The following SLC25A26 variants were observed in gnomAD, a reference collection of about 807,000 sequenced individuals.
The protein encoded by SLC25A26 is solute carrier family 25 member 26, also known as mitochondrial S-adenosylmethionine carrier protein.
SLC25A26 carries 36 observed loss-of-function variants against 37.8 expected under a neutral mutation model. The observed-to-expected ratio is 0.95, with a 90% CI of 0.73 to 1.26. The LOEUF is 1.26. SLC25A26 is among the 50% of genes most tolerant of loss of function. The pLI is 0.00. For synonymous variants in SLC25A26, 129 were observed against 122.5 expected (o/e 1.05, Z -0.35); for missense variants, 390 against 331.1 (o/e 1.18, Z -1.38).
intron 5 of SLC25A26, among the ~76,000 whole-genome samples, chr3:66,278,368 C>CT (rs1559648088): frequency 6.6e-6 from 1 of 152,020 alleles, no homozygotes; most frequent in Non-Finnish European, 1.5e-5. Flanking sequence ...TGTAGAAGGA[C>CT]TTAAGATGAA....
At chr3:66,168,942 C>A (rs2070460009) in intron 1 of SLC25A26, among the ~76,000 whole-genome samples, 2 of 152,152 alleles carry the variant, frequency 1.3e-5, no homozygotes, top group Non-Finnish European at 2.9e-5. Flanking sequence ...AGCAACATAG[C>A]AAGACCTGGT....
At chr3:66,255,492 T>TG (rs1250505241) in intron 3 of SLC25A26, among the ~76,000 whole-genome samples, 1 of 146,082 alleles carries the variant, frequency 6.8e-6, no homozygotes, top group African/African-American at 2.6e-5. Flanking sequence ...GGAGGGAGCA[T>TG]GTTTTTTTTT....
intron 6 of SLC25A26, among the ~76,000 whole-genome samples, chr3:66,362,139 A>C (rs1259379056): frequency 1.3e-5 from 2 of 152,242 alleles, no homozygotes; most frequent in Non-Finnish European, 2.9e-5. Context: ...GCAGTTCTTA[A>C]AAAGTTAAAC....
chr3:66,372,550 T>C (rs2107854277), intron 9 of SLC25A26, among the ~76,000 whole-genome samples: 2 of 152,296 alleles, frequency 1.3e-5, no homozygotes, highest in East Asian at 3.9e-4. Context: ...TTGTCAGCTC[T>C]GTAAAGGTCA....
intron 6 of SLC25A26, among the ~76,000 whole-genome samples, chr3:66,354,522 T>C (rs1159324520): frequency 6.6e-6 from 1 of 152,230 alleles, no homozygotes; most frequent in Non-Finnish European, 1.5e-5. Flanking sequence ...CAGTACTACA[T>C]AAAAGCTATG....
intron 5 of SLC25A26, among the ~76,000 whole-genome samples, chr3:66,281,139 A>G (rs1385300147): frequency 6.6e-6 from 1 of 152,140 alleles, no homozygotes; most frequent in Non-Finnish European, 1.5e-5. Context: ...CATAATCTGG[A>G]TTATCTGAGT....
In SLC25A26 at chr3:66,295,818, AT is replaced by A. The variant is rs1366473113; in HGVS notation, c.453+32445del. Among the ~76,000 whole-genome samples, 17 of 151,516 alleles carry A rather than the reference AT, an allele frequency of 1.1e-4. No homozygotes were observed. The East Asian group carries it at 3.0e-3, about 27-fold the overall frequency. ...CGGCCATGTGTGTGTTTTTAAAACT[AT>A]TTTTTAAATTCCATTTCTTGTCTGG... On this transcript the variant is annotated intron_variant, in intron 5 of 9. Coordinates refer to ENST00000354883, the MANE Select transcript of SLC25A26 (RefSeq NM_001379210.1).
At chr3:66,281,975 A>G (rs1418388797) in intron 5 of SLC25A26, among the ~76,000 whole-genome samples, 2 of 131,616 alleles carry the variant, frequency 1.5e-5, no homozygotes, top group South Asian at 2.4e-4. Flanking sequence ...GGCACGCACC[A>G]CCACACCCAA....
chr3:66,252,915 A>G (rs1379082473), intron 3 of SLC25A26, among the ~76,000 whole-genome samples: 1 of 152,058 alleles, frequency 6.6e-6, no homozygotes, highest in African/African-American at 2.4e-5. Context: ...AAAAAATGGC[A>G]GAAGTAGCGG....
intron 7 of SLC25A26, 123 bp from the exon 8 acceptor site, chr3:66,369,355 T>C (rs987896677): frequency 9.2e-6 from 7 of 760,758 alleles, no homozygotes; most frequent in Non-Finnish European, 1.1e-5. Context: ...GTGTGCATCC[T>C]GTTCTTCAAT....
intron 1 of SLC25A26, among the ~76,000 whole-genome samples, chr3:66,151,784 T>C (rs1380015301): frequency 6.6e-6 from 1 of 152,224 alleles, no homozygotes; most frequent in East Asian, 1.9e-4. Flanking sequence ...TCCAGTGTAG[T>C]AGTTACATAA....
intron 3 of SLC25A26, among the ~76,000 whole-genome samples, chr3:66,252,301 A>G (rs2073115911): frequency 6.6e-6 from 1 of 152,218 alleles, no homozygotes; most frequent in Non-Finnish European, 1.5e-5. Flanking sequence ...TATAGCTAAT[A>G]CTATTAATAG....
chr3:66,280,824 A>G (rs1247087327), intron 5 of SLC25A26, among the ~76,000 whole-genome samples: 1 of 152,118 alleles, frequency 6.6e-6, no homozygotes, highest in Non-Finnish European at 1.5e-5. Flanking sequence ...ATTTTAAGTA[A>G]GTAGCAGACA....
At chr3:66,363,704 G>A (rs2076764068) in intron 7 of SLC25A26, among the ~76,000 whole-genome samples, 1 of 152,216 alleles carries the variant, frequency 6.6e-6, no homozygotes, top group Non-Finnish European at 1.5e-5. Flanking sequence ...AAGCCAGTAG[G>A]GGAGGTTTAG....
chr3:66,151,175 G>A (rs1262965055), intron 1 of SLC25A26, among the ~76,000 whole-genome samples: 10 of 152,132 alleles, frequency 6.6e-5, no homozygotes, highest in African/African-American at 2.4e-5. Flanking sequence ...GAGTGATGAC[G>A]ATGTTACATG....
intron 5 of SLC25A26, among the ~76,000 whole-genome samples, chr3:66,285,632 G>T (rs911780775): frequency 1.4e-5 from 2 of 146,984 alleles, no homozygotes; most frequent in African/African-American, 5.1e-5. Context: ...GCTAATTTTT[G>T]TATTTTTAAA....
intron 5 of SLC25A26, among the ~76,000 whole-genome samples, chr3:66,310,591 G>A (rs1425179127): frequency 6.6e-6 from 1 of 152,168 alleles, no homozygotes; most frequent in Non-Finnish European, 1.5e-5. Context: ...TGTGGTGTCA[G>A]TGGTCTTTAC....
intron 1 of SLC25A26, among the ~76,000 whole-genome samples, chr3:66,155,762 A>G (rs1428833482): frequency 6.6e-6 from 1 of 152,122 alleles, no homozygotes; most frequent in Non-Finnish European, 1.5e-5. Context: ...CAAATCAGCA[A>G]GTTCACTTGC....
At chr3:66,228,460 CATT>C (rs2071861104) in intron 1 of SLC25A26, among the ~76,000 whole-genome samples, 1 of 152,160 alleles carries the variant, frequency 6.6e-6, no homozygotes, top group African/African-American at 2.4e-5. Flanking sequence ...ATTTGGGTAA[CATT>C]AATTAAATTC....
Sources: allele counts gnomAD v4.1 joint callset (sites outside exome capture counted in the v4.1 genomes callset), GRCh38; gene constraint gnomAD v4.1.1; transcripts MANE v1.5; gene names NCBI Gene and HGNC (gene_info 2026-07-23, HGNC 2026-07-21).